Variants in FHAD1 observed in about 807,000 individuals in gnomAD.
FHAD1 encodes the protein forkhead associated phosphopeptide binding domain 1.
In FHAD1, 146 loss-of-function variants were observed where a neutral mutation model predicts 191.3. That is an observed-to-expected ratio of 0.76 (90% CI 0.67 to 0.88). The LOEUF (loss-of-function observed/expected upper bound fraction) is 0.88, where lower values mean the gene tolerates loss of function less well. Among genes scored for constraint, FHAD1 ranks in the 40% least tolerant of loss-of-function variants. FHAD1 has a pLI of 0.00. For missense variants in FHAD1, 1,635 were observed against 1,785.8 expected (o/e 0.92, Z 1.52); for synonymous variants, 616 against 672.3 (o/e 0.92, Z 1.29).
In FHAD1 at chr1:15,296,706, G is replaced by A. The variant is rs756440993; in HGVS notation, c.591G>A (p.Leu197=). Residue 197 remains leucine (L), a synonymous_variant, in exon 5 of 34, where the codon CTG becomes CTA. Transcript: ENST00000688493. The stretch of plus-strand genomic sequence containing the variant: ...TAGTGTGGACCAATGCCATGAAACT[G>A]TCAGAAAAATCAGTGGCCGAGGGGA... The part of the protein sequence containing the change: ...IKQVWTNAMK[L]SEKSVAEGIP... 1.3e-6 allele frequency: 2 copies of A among 1,552,204 alleles called. No homozygotes were observed. The highest frequency in any genetic ancestry group is 2.4e-5 in the South Asian group (2 of 84,050).
Position 15,365,841 on chromosome 1 carries a change from C to T in FHAD1, c.3062C>T (p.Ala1021Val). Residue 1021 changes from alanine (A) to valine (V), a missense_variant, in exon 24 of 34, where the codon GCT becomes GTT. Coordinates refer to ENST00000688493, the MANE Select transcript of FHAD1 (RefSeq NM_001391957.1). The stretch of plus-strand genomic sequence containing the variant: ...GTGAATTTCAGAGATGACTTATTGG[C>T]TGCTCAGAAGGAAATTCTGTCTCAG... The part of the protein sequence containing the change: ...AYEHLIDDLL[A>V]AQKEILSQQE... 1 of 1,550,706 alleles carries T rather than the reference C, an allele frequency of 6.4e-7. No individual in the cohort carries two copies. The highest frequency in any genetic ancestry group is 2.4e-5 in the East Asian group (1 of 40,910).
At chr1:15,401,202 T>A (rs942232517), downstream of FHAD1, among the ~76,000 whole-genome samples, 1 of 152,182 alleles carries the variant, frequency 6.6e-6, no homozygotes, top group African/African-American at 2.4e-5. Flanking sequence ...GGTCAGAGAA[T>A]CAGTGGCTAT....
chr1:15,317,690 A>C, intron 9 of FHAD1, 134 bp from the exon 10 acceptor site: 1 of 612,950 alleles, frequency 1.6e-6, no homozygotes, highest in Non-Finnish European at 2.9e-6. Context: ...GAAGGAATTA[A>C]ATAAGCTGAT....
At position 15,289,489 on chromosome 1, in the gene FHAD1, T is replaced by A. The variant is rs1309423559; in HGVS notation, c.391T>A (p.Ser131Thr). Residue 131 changes from serine (S) to threonine (T), a missense_variant, in exon 4 of 34, where the codon TCA (serine) becomes ACA (threonine). Transcript: ENST00000688493. This position sits in a 1 kb window ranked among gnomAD's most constrained non-coding sequence, Gnocchi z 4.2. ...GCAGCCAAACCAGGCCCCCCCACCA[T>A]CACATATCCCCTTCCACCAAGGTGT... The part of the protein sequence containing the change: ...TQQPNQAPPP[S>T]HIPFHQGVQP... 3.9e-6 allele frequency: 6 copies of A among 1,551,700 alleles called. No homozygotes were observed. Among genetic ancestry groups the A allele is most frequent in the Non-Finnish European group, 5.2e-6 (6 of 1,147,048 alleles).
chr1:15,385,118 A>AAAG (rs61035286), intron 31 of FHAD1, among the ~76,000 whole-genome samples: 53,020 of 150,764 alleles, frequency 0.35, 11,213 homozygotes, highest in African/African-American at 0.61. Context: ...CAAGGGAAAA[A>AAAG]GGGGGAAAAT....
At chr1:15,267,170 C>T (rs4661617) in intron 2 of FHAD1, among the ~76,000 whole-genome samples, 46,101 of 152,094 alleles carry the variant, frequency 0.3, 7,881 homozygotes, top group East Asian at 0.55. Context: ...AGATTTTAAC[C>T]ATCATATTTC....
intron 20 of FHAD1, 21 bp downstream of exon 20, chr1:15,353,005 G>T: frequency 6.6e-7 from 1 of 1,513,180 alleles, no homozygotes; most frequent in Non-Finnish European, 9.0e-7. Flanking sequence ...CAGGGAGGGA[G>T]AGACGAGAGG....
intron 2 of FHAD1, among the ~76,000 whole-genome samples, chr1:15,266,896 G>C (rs1653778241): frequency 6.6e-6 from 1 of 152,152 alleles, no homozygotes; most frequent in Non-Finnish European, 1.5e-5. Flanking sequence ...AAGTTCCTCT[G>C]TATCTTTTTG....
intron 3 of FHAD1, among the ~76,000 whole-genome samples, chr1:15,284,209 A>G (rs990405413): frequency 1.3e-5 from 2 of 152,222 alleles, no homozygotes; most frequent in South Asian, 2.1e-4. Context: ...GGCCAGGCAC[A>G]GCGGCTCACG....
intron 4 of FHAD1, among the ~76,000 whole-genome samples, chr1:15,296,465 G>A (rs2100779996): frequency 6.6e-6 from 1 of 152,232 alleles, no homozygotes; most frequent in East Asian, 1.9e-4. Flanking sequence ...ATGTTAGCCA[G>A]GATGGTCTCA....
intron 1 of FHAD1, among the ~76,000 whole-genome samples, chr1:15,250,553 G>A (rs1353963699): frequency 6.6e-6 from 1 of 152,196 alleles, no homozygotes; most frequent in Non-Finnish European, 1.5e-5. Context: ...TGATTACATG[G>A]CTGAGCTATA....
chr1:15,264,546 ATATGTG>A (rs1477025010), intron 2 of FHAD1, among the ~76,000 whole-genome samples: 3 of 127,044 alleles, frequency 2.4e-5, no homozygotes, highest in East Asian at 2.4e-4. Flanking sequence ...TTATATGTAT[ATATGTG>A]TGTGTGTGTG....
At position 15,358,188 on chromosome 1, in the gene FHAD1, C is replaced by T; in HGVS notation, c.2641C>T (p.Gln881Ter). The part of the protein sequence containing the change: ...SDALAMVEET[Q>*]KTKATESLKA... ...CGCACTGGCCATGGTTGAAGAGACT[C>T]AGAAAACAAAGGCAACTGAAAGTCT... Residue 881 changes from glutamine to a stop codon, truncating the protein, a stop_gained, in exon 21 of 34, where the codon CAG becomes TAG. Coordinates refer to ENST00000688493, the MANE Select transcript of FHAD1 (RefSeq NM_001391957.1). LOFTEE classifies it high-confidence loss of function. 1 of 1,539,722 alleles carries T rather than the reference C, an allele frequency of 6.5e-7. No homozygotes were observed. Among genetic ancestry groups the T allele is most frequent in the Non-Finnish European group, 8.7e-7 (1 of 1,144,396 alleles).
chr1:15,245,074 G>C (rs960699545), upstream of FHAD1, among the ~76,000 whole-genome samples: 9 of 152,146 alleles, frequency 5.9e-5, no homozygotes, highest in Admixed American at 5.9e-4. Flanking sequence ...CTAACAATCA[G>C]CTCTTTAGGA....
chr1:15,281,917 T>C (rs1660754745), intron 3 of FHAD1, among the ~76,000 whole-genome samples: 1 of 152,186 alleles, frequency 6.6e-6, no homozygotes, highest in African/African-American at 2.4e-5. Flanking sequence ...TTCATGTATC[T>C]ATATCAGTAC....
At chr1:15,394,419 G>A (rs1036666368) in intron 33 of FHAD1, among the ~76,000 whole-genome samples, 1 of 152,158 alleles carries the variant, frequency 6.6e-6, no homozygotes, top group Non-Finnish European at 1.5e-5. Context: ...GGTTGTTTAG[G>A]GGGGAAGGCT....
At chr1:15,279,857 C>T (rs1659932947) in intron 3 of FHAD1, among the ~76,000 whole-genome samples, 1 of 151,966 alleles carries the variant, frequency 6.6e-6, no homozygotes, top group African/African-American at 2.4e-5. Flanking sequence ...CCCCCACACC[C>T]ATGCAGGAGA....
intron 16 of FHAD1, among the ~76,000 whole-genome samples, chr1:15,342,333 A>G (rs947648566): frequency 6.6e-6 from 1 of 152,238 alleles, no homozygotes; most frequent in Non-Finnish European, 1.5e-5. Context: ...GCCAGTTAGA[A>G]GATAGCAGCA....
Position 15,377,886 on chromosome 1 carries a change from CA to C in FHAD1, c.3705+2157del, listed in dbSNP as rs200842928. On this transcript the variant is annotated intron_variant, in intron 28 of 33. Coordinates refer to ENST00000688493, the MANE Select transcript of FHAD1 (RefSeq NM_001391957.1). ...AAGGAGCAGGAGGAAGAACAGCTGG[CA>C]TTTACTGAGTGCTTACTGTGTACCA... 5.8e-3 allele frequency among the ~76,000 whole-genome samples: 883 copies of C among 152,228 alleles called. 5 individuals are homozygous for C. The highest frequency in any genetic ancestry group is 0.02 in the African/African-American group (836 of 41,538).
Sources: gnomAD v4.1 joint callset for allele counts (sites outside exome capture counted in the v4.1 genomes callset) on GRCh38, gnomAD v4.1.1 for gene constraint, Gnocchi (gnomAD v3.1) non-coding constraint, MANE v1.5 for transcripts, NCBI Gene and HGNC (gene_info 2026-07-23, HGNC 2026-07-21) for gene names.